Variants in PHF12 observed in about 807,000 individuals in gnomAD.
PHF12 encodes the protein PHD factor 1.
A neutral mutation model predicts 99.8 loss-of-function variants in PHF12; 6 were observed. The ratio of observed to expected loss-of-function variants is 0.06; its 90% confidence interval spans 0.03 to 0.12. The LOEUF (loss-of-function observed/expected upper bound fraction) is 0.12. Among genes scored for constraint, PHF12 ranks in the 10% least tolerant of loss-of-function variants. The pLI, the probability that PHF12 is intolerant of heterozygous loss-of-function variation, is 1.00. For synonymous variants in PHF12, 480 were observed against 514.9 expected (o/e 0.93, Z 0.92); for missense variants, 954 against 1,300.1 (o/e 0.73, Z 4.09).
At position 28,906,650 on chromosome 17, in the gene PHF12, G is replaced by A. The variant is rs2039876678; in HGVS notation, c.2681-133C>T. 2 of 1,253,374 alleles carry A rather than the reference G, an allele frequency of 1.6e-6. No homozygotes were observed. Among genetic ancestry groups the A allele is most frequent in the Admixed American group, 2.7e-5 (1 of 37,250 alleles). The allele number at this position is 1,253,374 out of a possible 1,614,324, so 77.6% of individuals were successfully genotyped here. ...ACTAGGGAGGAAGGATGCTCAGAAA[G>A]GGTTGGTGGAGTCTGAAGTCCCCAC... On this transcript the variant is annotated intron_variant, in intron 14 of 14. Transcript: ENST00000332830. This position sits in a 1 kb window ranked among gnomAD's most constrained non-coding sequence, Gnocchi z 4.2.
At chr17:28,944,350 C>A (rs1434775993) in intron 2 of PHF12, among the ~76,000 whole-genome samples, 1 of 152,176 alleles carries the variant, frequency 6.6e-6, no homozygotes, top group African/African-American at 2.4e-5. Context: ...TAAGTACTTG[C>A]CTTACTTTAC....
In PHF12 at chr17:28,910,276, G is replaced by A. The variant is rs757647457; in HGVS notation, c.2309C>T (p.Pro770Leu). ...QLFPSRVQPS[P>L]GSVGTHQLAS... is the part of the protein sequence containing the mutation. ...CAGCTGATGTGTCCCGACACTGCCC[G>A]GTGAAGGTTGGACCCGGGAGGGGAA... The change falls in exon 11 of 15, where the codon CCG (proline) becomes CTG (leucine). Residue 770 changes from proline (P) to leucine (L), a missense_variant. Transcript: ENST00000332830. 98 of 1,614,078 alleles carry A rather than the reference G, an allele frequency of 6.1e-5. No individual in the cohort carries two copies. The highest frequency in any genetic ancestry group is 1.9e-4 in the African/African-American group (14 of 74,914).
chr17:28,950,649 A>C lies in PHF12; in HGVS notation c.66+246T>G. ...GGTGGGGAGGCCTGCCGGTGCAACG[A>C]GATGGAGTGGGCTGGCGCCTCGGGA... is the stretch of plus-strand genomic sequence containing the variant. On this transcript the variant is annotated intron_variant, in intron 1 of 14. Coordinates refer to ENST00000332830, the MANE Select transcript of PHF12 (RefSeq NM_001033561.2). This position sits in a 1 kb window ranked among gnomAD's most constrained non-coding sequence, Gnocchi z 5.7. 3.5e-6 allele frequency: 2 copies of C among 566,716 alleles called. No homozygotes were observed. Among genetic ancestry groups the C allele is most frequent in the Non-Finnish European group, 6.0e-6 (2 of 333,432 alleles). 35.1% of individuals were successfully genotyped at this position (566,716 alleles called of 1,614,324 possible). A position where few individuals can be genotyped will look rare whatever the true frequency, so the allele number is the denominator to read the frequency against.
At chr17:28,932,426 G>A (rs1325212190) in intron 2 of PHF12, among the ~76,000 whole-genome samples, 4 of 152,108 alleles carry the variant, frequency 2.6e-5, no homozygotes, top group East Asian at 1.9e-4. Context: ...GAGCCAACAC[G>A]CCTGGCTCAA....
intron 2 of PHF12, among the ~76,000 whole-genome samples, chr17:28,934,183 T>C (rs1369104459): frequency 1.3e-5 from 2 of 152,210 alleles, no homozygotes; most frequent in African/African-American, 4.8e-5. Context: ...GATCATGGGC[T>C]GGAGATAAGG....
chr17:28,917,767 C>G (rs995867955), intron 6 of PHF12, among the ~76,000 whole-genome samples: 6 of 152,208 alleles, frequency 3.9e-5, no homozygotes, highest in African/African-American at 1.4e-4. Context: ...CTCAGAGAAG[C>G]CTCTGTCAGG....
chr17:28,913,799 CA>C, intron 8 of PHF12, 79 bp downstream of exon 8: 3 of 1,531,872 alleles, frequency 2.0e-6, no homozygotes, highest in Non-Finnish European at 2.7e-6. Flanking sequence ...ATGAGAATGA[CA>C]CTGAGGCTAC....
rs549976089 is a variant in PHF12 at position 28,905,441 on chromosome 17, T to C, written c.*742A>G. On this transcript the variant is annotated 3_prime_UTR_variant, in exon 15 of 15. Coordinates refer to ENST00000332830, the MANE Select transcript of PHF12 (RefSeq NM_001033561.2). ...ACAAAACAGGTTTACGACAAAAACA[T>C]TTTTGCTACAATAGACAATTTGAGA... 1.3e-5 allele frequency: 2 copies of C among 152,574 alleles called. No individual in the cohort carries two copies. Among genetic ancestry groups the C allele is most frequent in the East Asian group, 3.9e-4 (2 of 5,186 alleles). 9.5% of individuals were successfully genotyped at this position (152,574 alleles called of 1,614,324 possible).
In PHF12 at chr17:28,950,015, G is replaced by T. The variant is rs756846492; in HGVS notation, c.248+50C>A. The T allele has an allele frequency of 6.7e-7, 1 of 1,500,966 alleles. No individual in the cohort carries two copies. The highest frequency in any genetic ancestry group is 2.1e-5 in the Admixed American group (1 of 47,608). 93.0% of individuals were successfully genotyped at this position (1,500,966 alleles called of 1,614,324 possible). On this transcript the variant is annotated intron_variant, in intron 2 of 14. Coordinates refer to ENST00000332830, the MANE Select transcript of PHF12 (RefSeq NM_001033561.2). This position sits in a 1 kb window ranked among gnomAD's most constrained non-coding sequence, Gnocchi z 5.7. ...TCAGGGGCAGGCCGGGTGAAGGAAT[G>T]CGCAGAGAAGGGTCCGCCAAGAAGC...
At chr17:28,947,765 T>G (rs972274740) in intron 2 of PHF12, among the ~76,000 whole-genome samples, 1 of 151,954 alleles carries the variant, frequency 6.6e-6, no homozygotes, top group Non-Finnish European at 1.5e-5. Context: ...AGATAATAAC[T>G]CAGATAAGTC....
chr17:28,907,507 C>T, intron 13 of PHF12, 83 bp downstream of exon 13: 8 of 1,406,656 alleles, frequency 5.7e-6, no homozygotes, highest in Middle Eastern at 2.0e-4. Context: ...CTTCCCTCCC[C>T]TCAGGGCACT....
intron 3 of PHF12, chr17:28,926,509 T>C (rs1361314931): frequency 3.2e-6 from 1 of 314,678 alleles, no homozygotes; most frequent in Non-Finnish European, 6.2e-6. Context: ...TTGAAGCCAG[T>C]ACTGAATTAT....
At chr17:28,915,583 A>T (rs1454691661) in intron 7 of PHF12, among the ~76,000 whole-genome samples, 1 of 152,132 alleles carries the variant, frequency 6.6e-6, no homozygotes, top group Non-Finnish European at 1.5e-5. Context: ...CAGGAATGAG[A>T]GGAGGAGGAA....
At chr17:28,923,170 A>G (rs1455966065) in intron 4 of PHF12, among the ~76,000 whole-genome samples, 9 of 152,176 alleles carry the variant, frequency 5.9e-5, no homozygotes, top group Admixed American at 4.6e-4. Flanking sequence ...TAATCAGCAT[A>G]TATCTGTATT....
At chr17:28,938,220 C>A (rs1242658409) in intron 2 of PHF12, among the ~76,000 whole-genome samples, 1 of 152,094 alleles carries the variant, frequency 6.6e-6, no homozygotes, top group African/African-American at 2.4e-5. Context: ...CCAACAAAAT[C>A]AAGAGAGCAG....
intron 12 of PHF12, 77 bp from the exon 13 acceptor site, chr17:28,907,749 G>T: frequency 1.4e-6 from 2 of 1,406,538 alleles, no homozygotes; most frequent in Non-Finnish European, 1.0e-6. Context: ...AGGTAAGACA[G>T]GGAGAGAGTT....
chr17:28,924,206 CCAA>C lies in PHF12; in HGVS notation c.415_417del (p.Leu139del), dbSNP rs757930265. ...AGTTCAGTTTTGCTGGCCGATCTGT[CCAA>C]CAAGTCAGTGTCACTGCTGGGGGAT... On this transcript the variant is annotated inframe_deletion, in exon 4 of 15. Transcript: ENST00000332830. 28 of 1,614,088 alleles carry C rather than the reference CCAA, an allele frequency of 1.7e-5. 1 individual carries two copies. In the African/African-American group the frequency reaches 3.5e-4, roughly 20 times the overall value.
intron 2 of PHF12, among the ~76,000 whole-genome samples, chr17:28,935,285 AT>A (rs955481323): frequency 2.3e-4 from 35 of 151,570 alleles, no homozygotes; most frequent in African/African-American, 8.5e-4. Flanking sequence ...TTATTTTTTT[AT>A]TTTGAGATGG....
rs2039863908 is a variant in PHF12 at position 28,905,917 on chromosome 17, C to T, written c.*266G>A. ...GTGTCCAGACCCTGGGTCTTTCCCT[C>T]CCTGCCCACGCTGTTCCTCAGCTCA... On this transcript the variant is annotated 3_prime_UTR_variant, in exon 15 of 15. Transcript: ENST00000332830. 1 of 351,746 alleles carries T rather than the reference C, an allele frequency of 2.8e-6. No individual in the cohort carries two copies. The highest frequency in any genetic ancestry group is 2.1e-5 in the African/African-American group (1 of 47,636). 21.8% of individuals were successfully genotyped at this position (351,746 alleles called of 1,614,324 possible).
Sources: gnomAD v4.1 joint callset for allele counts (sites outside exome capture counted in the v4.1 genomes callset) on GRCh38, gnomAD v4.1.1 for gene constraint, Gnocchi (gnomAD v3.1) non-coding constraint, MANE v1.5 for transcripts, NCBI Gene and HGNC (gene_info 2026-07-23, HGNC 2026-07-21) for gene names.